The following CAP2 variants were observed in gnomAD, a reference collection of about 807,000 sequenced individuals.
CAP2 encodes adenylyl cyclase-associated protein 2.
A neutral mutation model predicts 57.7 loss-of-function variants in CAP2; 24 were observed. That is an observed-to-expected ratio of 0.42 (90% CI 0.30 to 0.58). CAP2 has a LOEUF of 0.58. Among genes scored for constraint, CAP2 ranks in the 20% least tolerant of loss-of-function variants. The probability of loss-of-function intolerance (pLI) is 0.22; values close to 1 mark genes in which losing one functional copy is unlikely to be tolerated. For synonymous variants in CAP2, 194 were observed against 207.2 expected (o/e 0.94, Z 0.55); for missense variants, 501 against 590.3 (o/e 0.85, Z 1.57).
At chr6:17,404,947 T>A (rs9465032) in intron 1 of CAP2, among the ~76,000 whole-genome samples, 39,223 of 152,012 alleles carry the variant, frequency 0.26, 5,214 homozygotes, top group South Asian at 0.35. Context: ...TGTATATGTA[T>A]AACAGACAGA....
chr6:17,484,510 T>C (rs1237496383), intron 4 of CAP2, among the ~76,000 whole-genome samples: 3 of 152,238 alleles, frequency 2.0e-5, no homozygotes, highest in Non-Finnish European at 2.9e-5. Flanking sequence ...TCATTTCAGC[T>C]GACAGGATAA....
chr6:17,464,043 T>C (rs10949426), intron 4 of CAP2, among the ~76,000 whole-genome samples: 98,677 of 151,970 alleles, frequency 0.65, 33,884 homozygotes, highest in African/African-American at 0.88. Flanking sequence ...CTGAAAATTT[T>C]CGATTCTCTA....
At chr6:17,445,161 C>A (rs1760222634) in intron 3 of CAP2, among the ~76,000 whole-genome samples, 2 of 152,212 alleles carry the variant, frequency 1.3e-5, no homozygotes, top group African/African-American at 4.8e-5. Flanking sequence ...GGCTGGAGTG[C>A]AGTGGCACAA....
chr6:17,442,613 T>C (rs992759549), intron 3 of CAP2, among the ~76,000 whole-genome samples: 2 of 151,962 alleles, frequency 1.3e-5, no homozygotes, highest in Admixed American at 1.3e-4. Flanking sequence ...GCTGGCTGGG[T>C]GTGGTGGTTC....
intron 4 of CAP2, among the ~76,000 whole-genome samples, chr6:17,474,185 C>CTTTTTTTTTTTTTTTTTTTTTT (rs544909381): frequency 9.7e-5 from 9 of 93,208 alleles, no homozygotes; most frequent in Non-Finnish European, 1.4e-4. Flanking sequence ...AAAAAACAGT[C>CTTTTTTTTTTTTTTTTTTTTTT]TTTTTTTTTT....
chr6:17,514,487 C>T (rs181220320), intron 7 of CAP2, among the ~76,000 whole-genome samples: 2 of 152,210 alleles, frequency 1.3e-5, no homozygotes, highest in South Asian at 2.1e-4. Context: ...GTGGCTCTCA[C>T]GCCTGTAATC....
At chr6:17,435,717 TAAAAAAAAA>T (rs1187314233) in intron 3 of CAP2, among the ~76,000 whole-genome samples, 5 of 77,852 alleles carry the variant, frequency 6.4e-5, no homozygotes, top group Non-Finnish European at 1.4e-4. Context: ...AGTTTACGGA[TAAAAAAAAA>T]AAAAAACAAA....
chr6:17,447,204 A>C (rs1322460062), intron 3 of CAP2, among the ~76,000 whole-genome samples: 1 of 150,684 alleles, frequency 6.6e-6, no homozygotes, highest in African/African-American at 2.4e-5. Flanking sequence ...GTTTGTAGAG[A>C]CAGGGGGATC....
At position 17,483,208 on chromosome 6, in the gene CAP2, T is replaced by C. The variant is rs543005712; in HGVS notation, c.300+20135T>C. On this transcript the variant is annotated intron_variant, in intron 4 of 12. Transcript: ENST00000229922. ...TATGAAGCCTATCATACTGTGTTTG[T>C]TGTGTCTTGTTTTCTTATTTTCTAA... Among the ~76,000 whole-genome samples, 10 of 152,380 alleles carry C rather than the reference T, an allele frequency of 6.6e-5. No individual in the cohort carries two copies. The East Asian group carries it at 1.9e-3, about 29-fold the overall frequency.
At chr6:17,409,571 A>G (rs1759085324) in intron 1 of CAP2, among the ~76,000 whole-genome samples, 1 of 152,132 alleles carries the variant, frequency 6.6e-6, no homozygotes, top group Non-Finnish European at 1.5e-5. Context: ...AGTTCACTTC[A>G]TGGTCTCCTT....
At chr6:17,506,490 A>C (rs11963904) in intron 4 of CAP2, among the ~76,000 whole-genome samples, 3,755 of 152,152 alleles carry the variant, frequency 0.025, 139 homozygotes, top group African/African-American at 0.086. Flanking sequence ...TAAAAATAAA[A>C]TTATCTGGGC....
chr6:17,531,763 C>G (rs1477617086), intron 7 of CAP2: 2 of 583,908 alleles, frequency 3.4e-6, no homozygotes, highest in Non-Finnish European at 3.0e-6. Context: ...TGCTTAAAGC[C>G]CTTCAGCTTC....
intron 4 of CAP2, among the ~76,000 whole-genome samples, chr6:17,487,452 G>GGTTTGTTTGTTT (rs71819597): frequency 5.8e-4 from 88 of 151,420 alleles, no homozygotes; most frequent in African/African-American, 2.0e-3. Context: ...CCACCAGGTG[G>GGTTTGTTTGTTT]GTTTGTTTGT....
chr6:17,394,369 G>C (rs1758619389), intron 1 of CAP2, among the ~76,000 whole-genome samples: 1 of 152,150 alleles, frequency 6.6e-6, no homozygotes, highest in South Asian at 2.1e-4. Flanking sequence ...TTTGGGTAGA[G>C]GGGTGTTCGT....
Position 17,462,985 on chromosome 6 carries a change from T to C in CAP2, c.223-11T>C. ...AAACATTGAAACTGCCATCTTCCTCTTTGTTCCCAGGCAGAAATGGTGCAC... is the reference window on the plus strand; with the variant it reads ...AAACATTGAAACTGCCATCTTCCTCCTTGTTCCCAGGCAGAAATGGTGCAC... On this transcript the variant is annotated splice_polypyrimidine_tract_variant and intron_variant, in intron 3 of 12. Transcript: ENST00000229922. The C allele has an allele frequency of 6.2e-7, 1 of 1,613,072 alleles. No individual in the cohort carries two copies.
chr6:17,531,188 A>G, intron 7 of CAP2: 1 of 766,076 alleles, frequency 1.3e-6, no homozygotes, highest in Non-Finnish European at 2.4e-6. Context: ...GGATTAGTTC[A>G]TTTACTGACT....
chr6:17,457,993 C>T (rs941642442), intron 3 of CAP2, among the ~76,000 whole-genome samples: 8 of 152,172 alleles, frequency 5.3e-5, no homozygotes, highest in Admixed American at 2.6e-4. Flanking sequence ...TCTATATTAT[C>T]GTTGCTGGGG....
chr6:17,408,058 T>C (rs985775650), intron 1 of CAP2, among the ~76,000 whole-genome samples: 1 of 152,228 alleles, frequency 6.6e-6, no homozygotes, highest in Non-Finnish European at 1.5e-5. Context: ...TGGTAAATTT[T>C]GAGATTACAA....
At chr6:17,460,957 G>A (rs1760703764) in intron 3 of CAP2, among the ~76,000 whole-genome samples, 1 of 152,090 alleles carries the variant, frequency 6.6e-6, no homozygotes, top group African/African-American at 2.4e-5. Flanking sequence ...AGACCAGCCT[G>A]GACAACATAG....
Sources: allele counts gnomAD v4.1 joint callset (sites outside exome capture counted in the v4.1 genomes callset), GRCh38; gene constraint gnomAD v4.1.1; transcripts MANE v1.5; gene names NCBI Gene and HGNC (gene_info 2026-07-23, HGNC 2026-07-21).